Variants in SAMD3 observed in about 807,000 individuals in gnomAD.
SAMD3 encodes the protein sterile alpha motif domain containing 3.
Under a neutral mutation model 58.5 loss-of-function variants are expected in SAMD3, and 63 were observed. The observed-to-expected ratio is 1.08, with a 90% CI of 0.88 to 1.33. The LOEUF (loss-of-function observed/expected upper bound fraction) is 1.33, where lower values mean the gene tolerates loss of function less well. Among genes scored for constraint, SAMD3 ranks in the 40% most tolerant of loss-of-function variants. The pLI is 0.00. For synonymous variants in SAMD3, 220 were observed against 210.3 expected, an observed-to-expected ratio of 1.05 and a Z score of -0.40; for missense variants, 604 against 608.4, an observed-to-expected ratio of 0.99 and a Z score of 0.08.
At chr6:130,189,094 T>C (rs1482895535) in intron 5 of SAMD3, among the ~76,000 whole-genome samples, 1 of 94,790 alleles carries the variant, frequency 1.1e-5, no homozygotes, top group Admixed American at 1.2e-4. Flanking sequence ...TCACAATCTT[T>C]AAAAAAACCA....
intron 1 of SAMD3, among the ~76,000 whole-genome samples, chr6:130,364,157 T>C (rs1778063741): frequency 6.6e-6 from 1 of 152,224 alleles, no homozygotes; most frequent in Non-Finnish European, 1.5e-5. Context: ...TGATTTTACT[T>C]AGTCTATCTT....
At chr6:130,312,809 A>G (rs1290756139) in intron 2 of SAMD3, among the ~76,000 whole-genome samples, 3 of 151,928 alleles carry the variant, frequency 2.0e-5, no homozygotes. Flanking sequence ...ACACACACAC[A>G]TATCTTTTGT....
intron 1 of SAMD3, among the ~76,000 whole-genome samples, chr6:130,353,129 T>C (rs576270770): frequency 6.6e-6 from 1 of 152,354 alleles, no homozygotes; most frequent in East Asian, 1.9e-4. Flanking sequence ...CTAGTCTTTC[T>C]TTCTGTTCCA....
At chr6:130,267,901 C>T (rs12525172) in intron 2 of SAMD3, among the ~76,000 whole-genome samples, 19,615 of 152,166 alleles carry the variant, frequency 0.13, 1,678 homozygotes, top group East Asian at 0.36. Context: ...CTGATGCTCC[C>T]GGCCAAATAA....
intron 2 of SAMD3, among the ~76,000 whole-genome samples, chr6:130,260,845 T>C (rs950323044): frequency 2.6e-5 from 4 of 152,226 alleles, no homozygotes; most frequent in East Asian, 3.9e-4. Context: ...GGGAAGGAAC[T>C]GGTACTTGGA....
In SAMD3 at chr6:130,173,436, T is replaced by TC. The variant is rs375570550; in HGVS notation, c.822+2404dup. Among the ~76,000 whole-genome samples the TC allele has an allele frequency of 2.8e-3, 431 of 152,354 alleles. 4 individuals are homozygous for TC. Among genetic ancestry groups the TC allele is most frequent in the African/African-American group, 8.3e-3 (345 of 41,594 alleles). The stretch of plus-strand genomic sequence containing the variant: ...GTTAGTTTTTCTTCTAACAGATCCC[T>TC]CTTCTGCAGGTCTGCTACAGTTTGC... On this transcript the variant is annotated intron_variant, in intron 8 of 11. Coordinates refer to ENST00000439090, the MANE Select transcript of SAMD3 (RefSeq NM_001017373.4).
At chr6:130,144,091 C>G (rs1416992840), downstream of SAMD3, 1 of 162,558 alleles carries the variant, frequency 6.2e-6, no homozygotes, top group African/African-American at 2.4e-5. Flanking sequence ...TTGAAATGTT[C>G]AATGCAAGTT....
chr6:130,357,370 C>T (rs558603944), intron 1 of SAMD3, among the ~76,000 whole-genome samples: 11 of 151,924 alleles, frequency 7.2e-5, no homozygotes, highest in South Asian at 2.1e-4. Context: ...ATGATCTGCC[C>T]GCCTCGGCCT....
At chr6:130,358,674 A>G (rs892173931) in intron 1 of SAMD3, among the ~76,000 whole-genome samples, 19 of 152,020 alleles carry the variant, frequency 1.2e-4, no homozygotes, top group Non-Finnish European at 2.5e-4. Context: ...CTTCAATTTC[A>G]TTCCCCATTG....
At chr6:130,224,260 T>C (rs1025155474), upstream of SAMD3, among the ~76,000 whole-genome samples, 23 of 152,086 alleles carry the variant, frequency 1.5e-4, no homozygotes, top group East Asian at 1.2e-3. Flanking sequence ...AGGGTTTTTA[T>C]AGGCAGAGGA....
chr6:130,299,070 A>G (rs1775661748), intron 2 of SAMD3, among the ~76,000 whole-genome samples: 1 of 152,174 alleles, frequency 6.6e-6, no homozygotes, highest in South Asian at 2.1e-4. Flanking sequence ...GAAAACTAAC[A>G]AAGAAACTCT....
At chr6:130,176,823 G>A (rs550164455) in intron 7 of SAMD3, among the ~76,000 whole-genome samples, 88 of 152,302 alleles carry the variant, frequency 5.8e-4, no homozygotes, top group African/African-American at 2.0e-3. Context: ...TAGAGGGAGA[G>A]CTGGTGCCCC....
At chr6:130,340,386 C>T (rs1583129514) in intron 1 of SAMD3, among the ~76,000 whole-genome samples, 1 of 152,298 alleles carries the variant, frequency 6.6e-6, no homozygotes, top group African/African-American at 2.4e-5. Context: ...CTGATTTTGA[C>T]TCTCTTGCCT....
At chr6:130,254,611 A>T (rs1217098079) in intron 2 of SAMD3, among the ~76,000 whole-genome samples, 1 of 152,094 alleles carries the variant, frequency 6.6e-6, no homozygotes, top group Non-Finnish European at 1.5e-5. Context: ...TTACAGGTGT[A>T]AGCCAGTATT....
At chr6:130,175,632 G>A (rs1192337874) in intron 8 of SAMD3, 3 of 397,174 alleles carry the variant, frequency 7.6e-6, no homozygotes, top group Non-Finnish European at 8.9e-6. Context: ...GACACGAGAT[G>A]TTCAGTAATT....
At chr6:130,296,443 A>G (rs886822362) in intron 2 of SAMD3, among the ~76,000 whole-genome samples, 22 of 152,216 alleles carry the variant, frequency 1.4e-4, no homozygotes, top group Admixed American at 5.9e-4. Context: ...AAATAAGGGC[A>G]CAGCACCAGT....
chr6:130,193,085 A>T (rs1793704842), intron 5 of SAMD3, among the ~76,000 whole-genome samples: 1 of 152,012 alleles, frequency 6.6e-6, no homozygotes, highest in Non-Finnish European at 1.5e-5. Flanking sequence ...CATTGCAGGG[A>T]CGCCTCTCTG....
intron 1 of SAMD3, among the ~76,000 whole-genome samples, chr6:130,327,378 A>T (rs1364398706): frequency 6.6e-6 from 1 of 152,188 alleles, no homozygotes; most frequent in Middle Eastern, 3.2e-3. Flanking sequence ...ATTAAATATC[A>T]AATTTATAGC....
rs561729849 is a variant in SAMD3, at chr6:130,301,125, C to G, written c.-188+11853G>C. 2.0e-5 allele frequency among the ~76,000 whole-genome samples: 3 copies of G among 152,256 alleles called. No homozygotes were observed. The East Asian group carries it at 5.8e-4, about 29-fold the overall frequency. On this transcript the variant is annotated intron_variant, in intron 2 of 13. Coordinates refer to the SAMD3 transcript ENST00000368134. ...GAGAATGATGGTTTCCAGCTTCATC[C>G]ATGTCCCTGCAAAGGACACAAACTC...
Sources: allele counts gnomAD v4.1 joint callset (sites outside exome capture counted in the v4.1 genomes callset), GRCh38; gene constraint gnomAD v4.1.1; transcripts MANE v1.5; gene names NCBI Gene and HGNC (gene_info 2026-07-23, HGNC 2026-07-21).